The following TJP1 variants were observed in gnomAD, a reference collection of about 807,000 sequenced individuals.
TJP1 encodes tight junction protein ZO-1.
A neutral mutation model predicts 194.2 loss-of-function variants in TJP1; 43 were observed. The observed-to-expected ratio is 0.22, with a 90% CI of 0.17 to 0.29. TJP1 has a LOEUF of 0.29. Among genes scored for constraint, TJP1 ranks in the 10% least tolerant of loss-of-function variants. The pLI is 1.00. For synonymous variants in TJP1, 801 were observed against 779.0 expected (o/e 1.03, Z -0.47); for missense variants, 1,971 against 2,185.7 (o/e 0.90, Z 1.96).
intron 2 of TJP1, among the ~76,000 whole-genome samples, chr15:29,833,875 A>ATTTTTTTTTTTTT (rs1175518448): frequency 2.4e-4 from 4 of 16,556 alleles, no homozygotes; most frequent in Non-Finnish European, 2.4e-4. Context: ...ATATATATAT[A>ATTTTTTTTTTTTT]TATATATTTT....
At chr15:29,746,046 A>G (rs1321055196) in intron 8 of TJP1, among the ~76,000 whole-genome samples, 1 of 152,220 alleles carries the variant, frequency 6.6e-6, no homozygotes, top group African/African-American at 2.4e-5. Flanking sequence ...GACTATTAAA[A>G]TTAGGTGTAA....
At chr15:29,915,013 T>G (rs942815749) in intron 2 of TJP1, among the ~76,000 whole-genome samples, 1 of 152,160 alleles carries the variant, frequency 6.6e-6, no homozygotes, top group African/African-American at 2.4e-5. Context: ...AAAACTGTTG[T>G]TCAATGAATA....
chr15:29,860,528 T>C (rs766798975), intron 2 of TJP1, among the ~76,000 whole-genome samples: 54 of 152,360 alleles, frequency 3.5e-4, no homozygotes, highest in Admixed American at 1.4e-3. Context: ...ATACAATATG[T>C]GGCCTTTTGT....
chr15:29,828,565 C>A (rs1772730775), intron 2 of TJP1, among the ~76,000 whole-genome samples: 1 of 152,120 alleles, frequency 6.6e-6, no homozygotes, highest in Admixed American at 6.5e-5. Context: ...TATTTTGTTT[C>A]CTCCTCTCCC....
Position 29,939,128 on chromosome 15 carries a change from T to C in TJP1, c.306+17104A>G, listed in dbSNP as rs116129238. On this transcript the variant is annotated intron_variant, in intron 2 of 28. Transcript: ENST00000356107. ...GAGACAACAGCTTGTGTCTGCATAA[T>C]GCCTTATGTAAGGTTCCCTCCCACG... Among the ~76,000 whole-genome samples, 357 of 152,336 alleles carry C rather than the reference T, an allele frequency of 2.3e-3. 2 individuals are homozygous for C. Among genetic ancestry groups the C allele is most frequent in the African/African-American group, 8.4e-3 (349 of 41,582 alleles).
chr15:29,708,626 TAGAG>T lies in TJP1; in HGVS notation c.4779_4782del (p.Phe1593LeufsTer11). On this transcript the variant is annotated frameshift_variant, in exon 25 of 28. Transcript: ENST00000614355. LOFTEE classifies it high-confidence loss of function. The stretch of plus-strand genomic sequence containing the variant: ...TGATATTTAGGCTTCTCTGCATGGA[TAGAG>T]AAAGTTTCAACTCCACTGTCAAACT... 2 of 1,614,174 alleles carry T rather than the reference TAGAG, an allele frequency of 1.2e-6. No individual in the cohort carries two copies. The highest frequency in any genetic ancestry group is 1.7e-6 in the Non-Finnish European group (2 of 1,180,020).
intron 21 of TJP1, 61 bp downstream of exon 21, chr15:29,718,205 A>C (rs2042689626): frequency 6.3e-7 from 1 of 1,591,966 alleles, no homozygotes; most frequent in Non-Finnish European, 8.5e-7. Flanking sequence ...GGCGGAGGGG[A>C]GAGCCAAGAA....
At chr15:29,901,791 A>C (rs1458839068) in intron 2 of TJP1, among the ~76,000 whole-genome samples, 1 of 151,216 alleles carries the variant, frequency 6.6e-6, no homozygotes, top group Non-Finnish European at 1.5e-5. Flanking sequence ...ACTGCATTCC[A>C]GCCTGGGCAA....
Position 29,716,741 on chromosome 15 carries a change from G to C in TJP1, c.4072C>G (p.Gln1358Glu). ...PEEDEEYYRK[Q>E]LSYFDRRSFE... Reference sequence around the variant, plus strand: ...CTTCTTCGGTCAAAGTATGACAGCTGTTTTCGATAATATTCTTCATCTTCT... The same window carrying C: ...CTTCTTCGGTCAAAGTATGACAGCTCTTTTCGATAATATTCTTCATCTTCT... Residue 1358 changes from glutamine to glutamate, a missense_variant, in exon 23 of 28, where the codon CAG becomes GAG. Physicochemically the swap from Gln to Glu is conservative, Grantham distance 29. Transcript: ENST00000614355. 6.2e-7 allele frequency: 1 copy of C among 1,614,104 alleles called. No homozygotes were observed. Among genetic ancestry groups the C allele is most frequent in the Non-Finnish European group, 8.5e-7 (1 of 1,180,006 alleles).
intron 8 of TJP1, among the ~76,000 whole-genome samples, chr15:29,749,929 G>A (rs532723555): frequency 1.3e-5 from 2 of 152,134 alleles, no homozygotes; most frequent in African/African-American, 4.8e-5. Context: ...TGCAACCTCC[G>A]CCTCCTGGGT....
chr15:29,859,973 G>T (rs926056871), intron 2 of TJP1, among the ~76,000 whole-genome samples: 5 of 152,116 alleles, frequency 3.3e-5, no homozygotes, highest in African/African-American at 1.2e-4. Flanking sequence ...GCCTTGTGCT[G>T]CTGTGAAACC....
intron 20 of TJP1, 100 bp downstream of exon 20, chr15:29,719,677 A>G: frequency 6.9e-7 from 1 of 1,456,152 alleles, no homozygotes; most frequent in East Asian, 2.3e-5. Flanking sequence ...ATAAGCCTGC[A>G]GTAAAAAAGC....
intron 24 of TJP1, 133 bp downstream of exon 24, chr15:29,710,698 T>C (rs779748776): frequency 1.5e-4 from 165 of 1,099,484 alleles, no homozygotes; most frequent in Non-Finnish European, 2.1e-4. Flanking sequence ...ACAAAATTCT[T>C]AGTTTTTACT....
At chr15:29,763,460 C>T (rs2046131415) in intron 5 of TJP1, among the ~76,000 whole-genome samples, 1 of 152,216 alleles carries the variant, frequency 6.6e-6, no homozygotes, top group Middle Eastern at 3.4e-3. Flanking sequence ...GACCTATTAC[C>T]TAAGTGTTTA....
chr15:29,740,168 GT>G (rs369387047), intron 10 of TJP1, among the ~76,000 whole-genome samples: 39 of 151,846 alleles, frequency 2.6e-4, no homozygotes, highest in East Asian at 1.2e-3. Flanking sequence ...GTAGAGATGG[GT>G]TTTCACCATG....
intron 2 of TJP1, among the ~76,000 whole-genome samples, chr15:29,795,509 T>C (rs1019703482): frequency 1.3e-5 from 2 of 150,340 alleles, no homozygotes; most frequent in Non-Finnish European, 3.0e-5. Flanking sequence ...CTATATAAAA[T>C]TAAAGAAACT....
intron 2 of TJP1, among the ~76,000 whole-genome samples, chr15:29,857,030 C>G (rs1375424635): frequency 1.1e-4 from 17 of 152,126 alleles, no homozygotes; most frequent in Admixed American, 1.1e-3. Flanking sequence ...ATGTGCAGGT[C>G]ATATGCAAAT....
chr15:29,939,530 C>G (rs1161949798), intron 2 of TJP1, among the ~76,000 whole-genome samples: 2 of 152,158 alleles, frequency 1.3e-5, no homozygotes, highest in Non-Finnish European at 2.9e-5. Flanking sequence ...CTAGCACAGG[C>G]TCAGTGACTC....
At chr15:29,751,962 T>C (rs991183708) in intron 8 of TJP1, among the ~76,000 whole-genome samples, 11 of 152,156 alleles carry the variant, frequency 7.2e-5, no homozygotes, top group Non-Finnish European at 1.3e-4. Flanking sequence ...CCTTGTTCTA[T>C]TGCCCAGGCT....
Sources: allele counts gnomAD v4.1 joint callset (sites outside exome capture counted in the v4.1 genomes callset), GRCh38; gene constraint gnomAD v4.1.1; transcripts MANE v1.5; gene names NCBI Gene and HGNC (gene_info 2026-07-23, HGNC 2026-07-21).